Variants in ADGRL3 observed in about 807,000 individuals in gnomAD.
ADGRL3 encodes the protein adhesion G protein-coupled receptor L3.
A neutral mutation model predicts 153.5 loss-of-function variants in ADGRL3; 62 were observed. That is an observed-to-expected ratio of 0.40 (90% CI 0.33 to 0.50). The LOEUF (loss-of-function observed/expected upper bound fraction) is 0.50. ADGRL3 is among the 20% of genes least tolerant of loss of function. The pLI is 0.47. For synonymous variants in ADGRL3, 710 were observed against 672.5 expected (o/e 1.06, Z -0.86); for missense variants, 1,641 against 1,859.4 (o/e 0.88, Z 2.16).
chr4:61,768,754 A>T (rs952593361), intron 8 of ADGRL3, among the ~76,000 whole-genome samples: 2 of 151,956 alleles, frequency 1.3e-5, no homozygotes, highest in African/African-American at 4.8e-5. Flanking sequence ...AAGCTTGCCC[A>T]TAGTGAAGGA....
chr4:62,046,378 G>T (rs1731136446), intron 25 of ADGRL3, among the ~76,000 whole-genome samples: 1 of 151,788 alleles, frequency 6.6e-6, no homozygotes, highest in East Asian at 1.9e-4. Flanking sequence ...CTATTTATGG[G>T]CTTAAAGTTA....
intron 8 of ADGRL3, among the ~76,000 whole-genome samples, chr4:61,808,651 A>G (rs2097575832): frequency 6.6e-6 from 1 of 152,178 alleles, no homozygotes; most frequent in Non-Finnish European, 1.5e-5. Context: ...GGACCTGAAG[A>G]CAAAAAAAAT....
chr4:61,725,586 C>T (rs1409395146), intron 6 of ADGRL3, among the ~76,000 whole-genome samples: 2 of 138,712 alleles, frequency 1.4e-5, no homozygotes, highest in Non-Finnish European at 3.0e-5. Context: ...CAGAGCGAGA[C>T]TTCATCTCAA....
intron 1 of ADGRL3, among the ~76,000 whole-genome samples, chr4:61,266,721 T>G (rs1258631690): frequency 6.6e-6 from 1 of 151,810 alleles, no homozygotes; most frequent in Non-Finnish European, 1.5e-5. Context: ...GTTTTATATG[T>G]AAGGTAAATC....
intron 11 of ADGRL3, among the ~76,000 whole-genome samples, chr4:61,898,911 C>T (rs2098647640): frequency 6.6e-6 from 1 of 152,026 alleles, no homozygotes; most frequent in African/African-American, 2.4e-5. Context: ...GCCACCATGC[C>T]CCACCACCCT....
intron 15 of ADGRL3, among the ~76,000 whole-genome samples, chr4:61,939,327 A>G (rs964681396): frequency 2.0e-5 from 3 of 152,206 alleles, no homozygotes; most frequent in African/African-American, 7.2e-5. Flanking sequence ...ATAATTTTAT[A>G]ATATCACAAA....
chr4:61,333,451 A>T (rs918451440), intron 1 of ADGRL3, among the ~76,000 whole-genome samples: 3 of 152,196 alleles, frequency 2.0e-5, no homozygotes, highest in African/African-American at 7.2e-5. Context: ...ACCTTAATTG[A>T]AGTGTGGTGT....
At chr4:61,387,364 C>T (rs1012860795) in intron 2 of ADGRL3, among the ~76,000 whole-genome samples, 2 of 152,108 alleles carry the variant, frequency 1.3e-5, no homozygotes, top group South Asian at 4.1e-4. Context: ...AACATCTTAT[C>T]AGGAGACGAG....
At chr4:61,431,490 T>TCAG (rs2097355242) in intron 2 of ADGRL3, among the ~76,000 whole-genome samples, 1 of 152,200 alleles carries the variant, frequency 6.6e-6, no homozygotes, top group South Asian at 2.1e-4. Context: ...GACCTGTTTA[T>TCAG]TACCACCTCC....
chr4:61,207,528 T>C (rs1048529925), intron 1 of ADGRL3, among the ~76,000 whole-genome samples: 5 of 152,284 alleles, frequency 3.3e-5, no homozygotes, highest in Admixed American at 3.3e-4. Context: ...TGTGTCTTTA[T>C]AGTAGAATGA....
At chr4:62,067,689 A>G (rs1743711669) in intron 25 of ADGRL3, among the ~76,000 whole-genome samples, 1 of 152,084 alleles carries the variant, frequency 6.6e-6, no homozygotes, top group Non-Finnish European at 1.5e-5. Context: ...AAAGTCTTCA[A>G]TTCTGGTTTC....
chr4:61,629,721 C>CA lies in ADGRL3; in HGVS notation c.473+42326dup, dbSNP rs59504485. On this transcript the variant is annotated intron_variant, in intron 5 of 26. Coordinates refer to ENST00000683033, the MANE Select transcript of ADGRL3 (RefSeq NM_001387552.1). ...GACAATGCAAGACTCCGTCTCGGGGCAAAAAAAAAAAAAAAAAAAAAAAAA... is the reference window on the plus strand; with the variant it reads ...GACAATGCAAGACTCCGTCTCGGGGCAAAAAAAAAAAAAAAAAAAAAAAAAA... 2.7e-4 allele frequency among the ~76,000 whole-genome samples: 9 copies of CA among 33,446 alleles called. 3 individuals carry two copies. The highest frequency in any genetic ancestry group is 5.2e-4 in the African/African-American group (4 of 7,648). 21.9% of individuals were successfully genotyped at this position (33,446 alleles called of 152,430 possible). A position where few individuals can be genotyped will look rare whatever the true frequency, so the allele number is the denominator to read the frequency against.
chr4:61,857,666 T>G (rs1002201686), intron 9 of ADGRL3, among the ~76,000 whole-genome samples: 3 of 151,814 alleles, frequency 2.0e-5, no homozygotes, highest in African/African-American at 7.3e-5. Context: ...CTTCCTTCTT[T>G]CTTCCTTTCT....
chr4:61,820,245 T>C (rs991977784), intron 9 of ADGRL3, among the ~76,000 whole-genome samples: 3 of 152,154 alleles, frequency 2.0e-5, no homozygotes, highest in Admixed American at 6.5e-5. Context: ...ATGAGCAAAG[T>C]TGAGAGATTC....
At chr4:61,681,475 A>G (rs572341867) in intron 6 of ADGRL3, among the ~76,000 whole-genome samples, 22 of 152,192 alleles carry the variant, frequency 1.4e-4, no homozygotes, top group African/African-American at 5.3e-4. Flanking sequence ...TGCGGGGGGA[A>G]GTACACAATT....
At chr4:61,606,264 T>C (rs1579814903) in intron 5 of ADGRL3, among the ~76,000 whole-genome samples, 1 of 152,228 alleles carries the variant, frequency 6.6e-6, no homozygotes, top group African/African-American at 2.4e-5. Flanking sequence ...CAGAGAGCTG[T>C]AATGATGAGG....
intron 25 of ADGRL3, among the ~76,000 whole-genome samples, chr4:62,063,110 CT>C: frequency 6.6e-6 from 1 of 151,614 alleles, no homozygotes; most frequent in East Asian, 1.9e-4. Context: ...TTAATTTTTG[CT>C]TTTTTGTGTG....
intron 15 of ADGRL3, among the ~76,000 whole-genome samples, chr4:61,938,862 CAAAAA>C (rs71213019): frequency 2.8e-5 from 2 of 71,518 alleles, no homozygotes; most frequent in East Asian, 5.3e-4. Context: ...CCCTCCTCCT[CAAAAA>C]AAAAAAAAAA....
chr4:61,985,264 T>C (rs915005920), intron 19 of ADGRL3, among the ~76,000 whole-genome samples: 5 of 152,038 alleles, frequency 3.3e-5, no homozygotes, highest in Non-Finnish European at 5.9e-5. Flanking sequence ...GGATTTTTTT[T>C]TTTTGAAATT....
Sources: allele counts gnomAD v4.1 joint callset (sites outside exome capture counted in the v4.1 genomes callset), GRCh38; gene constraint gnomAD v4.1.1; transcripts MANE v1.5; gene names NCBI Gene and HGNC (gene_info 2026-07-23, HGNC 2026-07-21).